Variants in RRM1 observed in about 807,000 individuals in gnomAD.
RRM1 encodes the protein ribonucleoside-diphosphate reductase large subunit.
A neutral mutation model predicts 101.5 loss-of-function variants in RRM1; 19 were observed. The ratio of observed to expected loss-of-function variants is 0.19; its 90% CI spans 0.13 to 0.27. The LOEUF (loss-of-function observed/expected upper bound fraction) is 0.27. RRM1 is among the 10% of genes least tolerant of loss of function. The pLI is 1.00. For synonymous variants in RRM1, 298 were observed against 323.4 expected (o/e 0.92, Z 0.84); for missense variants, 500 against 962.9 (o/e 0.52, Z 6.36).
intron 18 of RRM1, 117 bp downstream of exon 18, chr11:4,135,387 A>G (rs2094607709): frequency 2.6e-6 from 2 of 764,162 alleles, no homozygotes; most frequent in Admixed American, 3.3e-5. Context: ...TTTAAGTTCA[A>G]ATCCAGAACG....
intron 15 of RRM1, among the ~76,000 whole-genome samples, chr11:4,129,369 C>G (rs552445941): frequency 6.6e-6 from 1 of 152,128 alleles, no homozygotes; most frequent in East Asian, 1.9e-4. Flanking sequence ...ATTTCAGTAC[C>G]TGGTAGGAAT....
chr11:4,097,312 C>G (rs966097616), intron 1 of RRM1, among the ~76,000 whole-genome samples: 2 of 147,410 alleles, frequency 1.4e-5, no homozygotes, highest in Non-Finnish European at 3.0e-5. Flanking sequence ...CCACAAAGTG[C>G]TAGCTATAAC....
Position 4,132,535 on chromosome 11 carries a change from TAA to T in RRM1, c.1905+116_1905+117del. 1 of 996,214 alleles carries T rather than the reference TAA, an allele frequency of 1.0e-6. No individual in the cohort carries two copies. Among genetic ancestry groups the T allele is most frequent in the South Asian group, 1.5e-5 (1 of 64,902 alleles). The allele number at this position is 996,214 out of a possible 1,614,324, so 61.7% of individuals were successfully genotyped here. The stretch of plus-strand genomic sequence containing the variant: ...TTCTTAGTTTGGGTGCAAACTTTGA[TAA>T]AGACAGTCATCTTCATCTCTAATAT... On this transcript the variant is annotated intron_variant, in intron 16 of 18. Transcript: ENST00000300738. This position sits in a 1 kb window ranked among gnomAD's most constrained non-coding sequence, Gnocchi z 4.1.
Position 4,095,002 on chromosome 11 carries a change from C to CACT in RRM1, c.-9_-7dup, listed in dbSNP as rs1242780783. 3.5e-5 allele frequency: 54 copies of CACT among 1,565,072 alleles called. No individual in the cohort carries two copies. Among genetic ancestry groups the CACT allele is most frequent in the Non-Finnish European group, 4.6e-5 (53 of 1,154,810 alleles). ...GTCTTGGATCCTTCAGAGCCTCAGC[C>CACT]ACTAGCTGCGATGCATGTGATCAAG... is the stretch of plus-strand genomic sequence containing the variant. On this transcript the variant is annotated 5_prime_UTR_variant, in exon 1 of 19. Coordinates refer to ENST00000300738, the MANE Select transcript of RRM1 (RefSeq NM_001033.5).
chr11:4,128,410 C>T (rs1025751167), intron 14 of RRM1, among the ~76,000 whole-genome samples: 3 of 152,170 alleles, frequency 2.0e-5, no homozygotes, highest in Non-Finnish European at 2.9e-5. Context: ...CTGCACCTGG[C>T]GTAATCTTCC....
At chr11:4,137,315 A>C (rs1181498933) in intron 18 of RRM1, 3 of 200,978 alleles carry the variant, frequency 1.5e-5, no homozygotes, top group Non-Finnish European at 3.0e-5. Flanking sequence ...GTGGCCAGGC[A>C]GAGGTGCTCC....
At chr11:4,121,469 T>C (rs2094581795) in intron 9 of RRM1, 135 bp from the exon 10 acceptor site, 1 of 544,322 alleles carries the variant, frequency 1.8e-6, no homozygotes, top group African/African-American at 1.9e-5. Context: ...CTTACACTTT[T>C]ATAATACTTT....
In RRM1 at chr11:4,095,045, G is replaced by C; in HGVS notation, c.19+14G>C. 6.4e-7 allele frequency: 1 copy of C among 1,567,272 alleles called. No individual in the cohort carries two copies. The highest frequency in any genetic ancestry group is 8.6e-7 in the Non-Finnish European group (1 of 1,156,356). Reference sequence around the variant, plus strand: ...TGATCAAGCGAGGTGAGGGGGGGACGAGGTGGGCGAGAAGGAAGGTGAGGG... The same window carrying C: ...TGATCAAGCGAGGTGAGGGGGGGACCAGGTGGGCGAGAAGGAAGGTGAGGG... On this transcript the variant is annotated intron_variant, in intron 1 of 18. Transcript: ENST00000300738.
intron 3 of RRM1, among the ~76,000 whole-genome samples, chr11:4,106,607 G>C (rs1353765990): frequency 6.6e-6 from 1 of 152,088 alleles, no homozygotes; most frequent in Non-Finnish European, 1.5e-5. Context: ...AATTAGCTGG[G>C]CGTGGTGGTG....
At chr11:4,115,707 C>T (rs1245474346) in intron 7 of RRM1, among the ~76,000 whole-genome samples, 1 of 152,048 alleles carries the variant, frequency 6.6e-6, no homozygotes, top group East Asian at 1.9e-4. Context: ...CAGGCACGCG[C>T]CACCACACCC....
chr11:4,099,022 C>G (rs1242037460), intron 1 of RRM1, among the ~76,000 whole-genome samples: 1 of 152,174 alleles, frequency 6.6e-6, no homozygotes, highest in African/African-American at 2.4e-5. Flanking sequence ...AGTTTGTATC[C>G]TGTGGAAAAG....
At chr11:4,099,300 T>TTTTTTTTTTTTG (rs2094547657) in intron 1 of RRM1, 1 of 128,390 alleles carries the variant, frequency 7.8e-6, no homozygotes, top group African/African-American at 3.0e-5. Flanking sequence ...AGCTAATTTT[T>TTTTTTTTTTTTG]TTTTTTTTTT....
chr11:4,130,080 ATATATATTTTTT>A (rs1298974394), intron 15 of RRM1, among the ~76,000 whole-genome samples: 2 of 96,392 alleles, frequency 2.1e-5, no homozygotes, highest in Non-Finnish European at 1.9e-5. Flanking sequence ...ATATATATAT[ATATATATTTTTT>A]TTTTTTTTTT....
At position 4,138,547 on chromosome 11, in the gene RRM1, T is replaced by C. The variant is rs1411012798; in HGVS notation, c.*164T>C. On this transcript the variant is annotated 3_prime_UTR_variant, in exon 19 of 19. Transcript: ENST00000300738. ...CTGTTAATGATGATAATGATTTTTT[T>C]TTTAAACTCATATATTGGGATTTTC... is the stretch of plus-strand genomic sequence containing the variant. 4 of 420,870 alleles carry C rather than the reference T, an allele frequency of 9.5e-6. No individual in the cohort carries two copies. Among genetic ancestry groups the C allele is most frequent in the Non-Finnish European group, 1.6e-5 (4 of 246,388 alleles). 26.1% of individuals were successfully genotyped at this position (420,870 alleles called of 1,614,324 possible).
Position 4,133,547 on chromosome 11 carries a change from C to G in RRM1, c.1906-16C>G. 2.0e-6 allele frequency: 3 copies of G among 1,516,008 alleles called. No individual in the cohort carries two copies. The highest frequency in any genetic ancestry group is 2.7e-6 in the Non-Finnish European group (3 of 1,094,880). 93.9% of individuals were successfully genotyped at this position (1,516,008 alleles called of 1,614,324 possible). On this transcript the variant is annotated splice_polypyrimidine_tract_variant and intron_variant, in intron 16 of 18. Coordinates refer to ENST00000300738, the MANE Select transcript of RRM1 (RefSeq NM_001033.5). Reference sequence around the variant, plus strand: ...TGTTATTTATTTCTTCATACATTTTCTGCTTTTCCATTCAGATTGTAAATC... The same window carrying G: ...TGTTATTTATTTCTTCATACATTTTGTGCTTTTCCATTCAGATTGTAAATC...
intron 15 of RRM1, among the ~76,000 whole-genome samples, chr11:4,130,104 TCCCCTCAAAATAC>T (rs1565189543): frequency 3.5e-4 from 32 of 90,572 alleles, no homozygotes; most frequent in African/African-American, 1.4e-3. Flanking sequence ...TTTTTTTTTT[TCCCCTCAAAATAC>T]TATGGCTTAG....
chr11:4,136,295 C>T (rs1403547489), intron 18 of RRM1, among the ~76,000 whole-genome samples: 1 of 152,034 alleles, frequency 6.6e-6, no homozygotes, highest in Non-Finnish European at 1.5e-5. Context: ...GATCTTGGCT[C>T]ACTGCAACCT....
intron 3 of RRM1, 45 bp from the exon 4 acceptor site, chr11:4,107,390 G>C: frequency 7.8e-7 from 1 of 1,278,324 alleles, no homozygotes; most frequent in Non-Finnish European, 1.1e-6. Flanking sequence ...TGAATTAGCT[G>C]TTAAGTGGTC....
chr11:4,108,394 C>A (rs1406196595), intron 4 of RRM1, among the ~76,000 whole-genome samples: 2 of 151,860 alleles, frequency 1.3e-5, no homozygotes, highest in Non-Finnish European at 2.9e-5. Flanking sequence ...GTCAGGAGAT[C>A]CAGACCATCC....
Sources: allele counts gnomAD v4.1 joint callset (sites outside exome capture counted in the v4.1 genomes callset), GRCh38; gene constraint gnomAD v4.1.1; non-coding constraint Gnocchi (gnomAD v3.1); transcripts MANE v1.5; gene names NCBI Gene and HGNC (gene_info 2026-07-23, HGNC 2026-07-21).